The following LAMP2 variants were observed in gnomAD, a reference collection of about 807,000 sequenced individuals.
LAMP2 encodes lysosome-associated membrane glycoprotein 2.
A neutral mutation model predicts 25.6 loss-of-function variants in LAMP2; 4 were observed. The observed-to-expected ratio is 0.16, with a 90% CI of 0.08 to 0.36. LAMP2 has a LOEUF of 0.36. Ranked by LOEUF, LAMP2 falls within the 10% of genes least tolerant of loss-of-function variation. The probability of loss-of-function intolerance (pLI) is 1.00; values close to 1 mark genes in which losing one functional copy is unlikely to be tolerated. For missense variants in LAMP2, 272 were observed against 301.4 expected, an observed-to-expected ratio of 0.90 and a Z score of 0.72; for synonymous variants, 108 against 112.7, an observed-to-expected ratio of 0.96 and a Z score of 0.27.
intron 3 of LAMP2, among the ~76,000 whole-genome samples, chrX:120,454,532 C>T (rs1206062636): frequency 1.8e-5 from 2 of 110,066 alleles, no homozygotes; most frequent in Non-Finnish European, 3.8e-5. Context: ...GCATGAGGAT[C>T]GCTTGAATCC....
intron 8 of LAMP2, among the ~76,000 whole-genome samples, chrX:120,439,729 ATGTT>A (rs894110145): frequency 2.7e-5 from 3 of 110,697 alleles, no homozygotes; most frequent in Admixed American, 1.9e-4. Flanking sequence ...ACACACATAT[ATGTT>A]TGTTTATATT....
chrX:120,429,146 ATG>A lies in LAMP2; in HGVS notation c.*2175_*2176del, dbSNP rs1343759570. On this transcript the variant is annotated 3_prime_UTR_variant, in exon 9 of 9. Coordinates refer to ENST00000200639, the MANE Select transcript of LAMP2 (RefSeq NM_002294.3). ...TATATATATGTGTGTGTGTATATAT[ATG>A]TGTGTGTGTGTACATATATATATAT... The A allele has an allele frequency of 2.1e-4, 139 of 673,687 alleles. No homozygotes were observed. The highest frequency in any genetic ancestry group is 2.1e-4 in the Non-Finnish European group (123 of 573,821). 55.5% of individuals were successfully genotyped at this position (673,687 alleles called of 1,213,427 possible). A position where few individuals can be genotyped will look rare whatever the true frequency, so the allele number is the denominator to read the frequency against.
intron 5 of LAMP2, among the ~76,000 whole-genome samples, chrX:120,447,161 T>C (rs1255983370): frequency 1.8e-5 from 2 of 112,223 alleles, no homozygotes; most frequent in Non-Finnish European, 3.8e-5. Context: ...ATTCCAGCAC[T>C]TTGAGAGGCT....
chrX:120,450,313 A>T (rs2058615924), intron 3 of LAMP2, among the ~76,000 whole-genome samples: 2 of 112,185 alleles, frequency 1.8e-5, no homozygotes, highest in African/African-American at 6.5e-5. Context: ...TCCTTAATAT[A>T]GGCTGCCTTC....
chrX:120,452,574 GTCTC>G (rs35651584), intron 3 of LAMP2, among the ~76,000 whole-genome samples: 25,178 of 106,858 alleles, frequency 0.24, 2,505 homozygotes, highest in East Asian at 0.41. Context: ...TTGAGACAGG[GTCTC>G]TCTCTCTCTG....
At chrX:120,467,471 G>T (rs762034422) in intron 1 of LAMP2, among the ~76,000 whole-genome samples, 1 of 111,887 alleles carries the variant, frequency 8.9e-6, no homozygotes, top group African/African-American at 3.3e-5. Flanking sequence ...CCAGGGTGTT[G>T]ATTTCATTCT....
At chrX:120,461,290 C>T (rs771837864) in intron 1 of LAMP2, among the ~76,000 whole-genome samples, 11 of 111,743 alleles carry the variant, frequency 9.8e-5, no homozygotes, top group Non-Finnish European at 1.9e-4. Context: ...ACTATAAAAG[C>T]CCTCAAGGAG....
chrX:120,438,199 T>C, intron 8 of LAMP2: 1 of 751,546 alleles, frequency 1.3e-6, no homozygotes, highest in African/African-American at 2.3e-5. Context: ...CTTCGTTATC[T>C]AGGTTCTAGG....
Position 120,469,136 on chromosome X carries a change from A to G in LAMP2, c.34T>C (p.Ser12Pro), listed in dbSNP as rs367914423. 8.2e-7 allele frequency: 1 copy of G among 1,212,288 alleles called. No homozygotes were observed. Among genetic ancestry groups the G allele is most frequent in the South Asian group, 1.8e-5 (1 of 57,036 alleles). ...VCFRLFPVPG[S>P]GLVLVCLVLG... ...ACTAGGCAGACCAGAACGAGCCCTG[A>G]GCCCGGAACCGGGAAGAGGCGGAAG... Residue 12 changes from serine (S) to proline (P), a missense_variant, in exon 1 of 9, where the codon TCA becomes CCA. By Grantham distance (74) the Ser-to-Pro change is moderately conservative. Transcript: ENST00000200639.
At chrX:120,450,386 T>C (rs995900433) in intron 3 of LAMP2, among the ~76,000 whole-genome samples, 2 of 111,449 alleles carry the variant, frequency 1.8e-5, no homozygotes, top group African/African-American at 6.5e-5. Flanking sequence ...CTAATGGCCA[T>C]AGGAATTAAA....
At chrX:120,433,348 G>T (rs771337222) in intron 8 of LAMP2, among the ~76,000 whole-genome samples, 1 of 111,492 alleles carries the variant, frequency 9.0e-6, no homozygotes, top group Admixed American at 9.6e-5. Flanking sequence ...AGTTTAGAAT[G>T]ATTAAGGCAG....
chrX:120,426,459 T>C lies in LAMP2; in HGVS notation c.*4864A>G, dbSNP rs1227610188. Among the ~76,000 whole-genome samples the C allele has an allele frequency of 9.1e-6, 1 of 110,071 alleles. No homozygotes were observed. The highest frequency in any genetic ancestry group is 2.8e-4 in the East Asian group (1 of 3,550). Reference sequence around the variant, plus strand: ...TAGATTTTGAGCTTCCTTTATCTTATTGGAGTTGAAGCAGTTTTTAACCCT... The same window carrying C: ...TAGATTTTGAGCTTCCTTTATCTTACTGGAGTTGAAGCAGTTTTTAACCCT... On this transcript the variant is annotated 3_prime_UTR_variant, in exon 9 of 9. Transcript: ENST00000200639.
intron 8 of LAMP2, among the ~76,000 whole-genome samples, chrX:120,435,987 T>C (rs186523519): frequency 9.0e-6 from 1 of 111,605 alleles, no homozygotes; most frequent in African/African-American, 3.3e-5. Flanking sequence ...GTAAAGCTAC[T>C]ATGTAGAGAT....
chrX:120,440,686 G>C (rs776961969), intron 8 of LAMP2, among the ~76,000 whole-genome samples: 2 of 112,172 alleles, frequency 1.8e-5, no homozygotes, highest in East Asian at 5.5e-4. Context: ...TTAAAATTAG[G>C]GGAATAATGA....
intron 8 of LAMP2, among the ~76,000 whole-genome samples, chrX:120,435,230 T>C (rs917864644): frequency 2.7e-5 from 3 of 112,568 alleles, no homozygotes; most frequent in Non-Finnish European, 5.6e-5. Flanking sequence ...GTTATATACA[T>C]TTTATATCTA....
At chrX:120,449,203 G>A in intron 3 of LAMP2, 75 bp from the exon 4 acceptor site, 1 of 842,401 alleles carries the variant, frequency 1.2e-6, no homozygotes, top group Non-Finnish European at 1.7e-6. Context: ...ATTTGTATAG[G>A]CTTTCTTCTT....
intron 8 of LAMP2, chrX:120,437,068 G>T (rs1421727723): frequency 2.7e-6 from 2 of 744,265 alleles, no homozygotes; most frequent in African/African-American, 4.7e-5. Context: ...AATTAAAAAC[G>T]ATTTTGAAAA....
intron 1 of LAMP2, among the ~76,000 whole-genome samples, chrX:120,468,404 G>A (rs1029524670): frequency 4.5e-5 from 5 of 110,535 alleles, no homozygotes; most frequent in Non-Finnish European, 7.6e-5. Flanking sequence ...AGTCTCCAGA[G>A]GTTGGGTCCA....
At position 120,428,571 on chromosome X, in the gene LAMP2, A is replaced by G. The variant is rs1212813867; in HGVS notation, c.*2752T>C. The G allele has an allele frequency of 8.3e-7, 1 of 1,198,858 alleles. No homozygotes were observed. Among genetic ancestry groups the G allele is most frequent in the Non-Finnish European group, 1.1e-6 (1 of 889,604 alleles). Reference sequence around the variant, plus strand: ...CAATTATAAGGAAGCCCAAGGCCACACCCACTGCAACAGGAATAAGAAAGT... The same window carrying G: ...CAATTATAAGGAAGCCCAAGGCCACGCCCACTGCAACAGGAATAAGAAAGT... On this transcript the variant is annotated 3_prime_UTR_variant, in exon 9 of 9. Coordinates refer to ENST00000200639, the MANE Select transcript of LAMP2 (RefSeq NM_002294.3).
Sources: gnomAD v4.1 joint callset for allele counts (sites outside exome capture counted in the v4.1 genomes callset) on GRCh38, gnomAD v4.1.1 for gene constraint, MANE v1.5 for transcripts, NCBI Gene and HGNC (gene_info 2026-07-23, HGNC 2026-07-21) for gene names.